The following PIK3C2G variants were observed in gnomAD, a reference collection of about 807,000 sequenced individuals.
PIK3C2G encodes the protein phosphatidylinositol 3-kinase C2 domain-containing subunit gamma.
PIK3C2G carries 168 observed loss-of-function variants against 181.1 expected under a neutral mutation model. That is an observed-to-expected ratio of 0.93 (90% CI 0.82 to 1.05). PIK3C2G has a LOEUF of 1.05. Among genes scored for constraint, PIK3C2G ranks in the 50% least tolerant of loss-of-function variants. The pLI is 0.00. For synonymous variants in PIK3C2G, 573 were observed against 592.2 expected (o/e 0.97, Z 0.47); for missense variants, 1,869 against 1,732.8 (o/e 1.08, Z -1.40).
At chr12:18,527,395 A>T (rs1184207849) in intron 24 of PIK3C2G, among the ~76,000 whole-genome samples, 1 of 152,200 alleles carries the variant, frequency 6.6e-6, no homozygotes, top group East Asian at 1.9e-4. Context: ...TAATATGCAC[A>T]TTCAATGCCT....
intron 24 of PIK3C2G, among the ~76,000 whole-genome samples, chr12:18,523,834 G>A (rs138512341): frequency 6.3e-4 from 96 of 152,290 alleles, no homozygotes; most frequent in African/African-American, 2.1e-3. Context: ...GAGCAAGTTC[G>A]GATACTCTCT....
downstream of PIK3C2G, among the ~76,000 whole-genome samples, chr12:18,650,329 C>CTATATA (rs1167084886): frequency 4.6e-4 from 38 of 82,426 alleles, no homozygotes; most frequent in African/African-American, 7.2e-4. Context: ...CTCTCTCTCT[C>CTATATA]TCTATATATA....
intron 29 of PIK3C2G, among the ~76,000 whole-genome samples, chr12:18,582,085 A>G (rs1157378302): frequency 4.6e-5 from 7 of 152,172 alleles, no homozygotes; most frequent in African/African-American, 1.2e-4. Flanking sequence ...TGAAATGAAG[A>G]AAAACAGTTT....
chr12:18,526,902 G>A (rs1943267113), intron 24 of PIK3C2G, among the ~76,000 whole-genome samples: 1 of 151,996 alleles, frequency 6.6e-6, no homozygotes, highest in African/African-American at 2.4e-5. Context: ...GATTTCTTTT[G>A]AATAGCTCCC....
chr12:18,338,382 A>C (rs1483640509), intron 8 of PIK3C2G, 44 bp from the exon 9 acceptor site: 1 of 1,416,686 alleles, frequency 7.1e-7, no homozygotes, highest in East Asian at 2.3e-5. Flanking sequence ...ATGTCCCCTC[A>C]TTTATTTCAA....
chr12:18,507,284 C>T (rs1284413343), intron 24 of PIK3C2G, among the ~76,000 whole-genome samples: 1 of 152,126 alleles, frequency 6.6e-6, no homozygotes, highest in African/African-American at 2.4e-5. Flanking sequence ...CTGCCTCGGC[C>T]TCCCAAAGTG....
chr12:18,690,285 G>A, the PIK3C2G span, among the ~76,000 whole-genome samples: 25 of 152,088 alleles, frequency 1.6e-4, no homozygotes, highest in Admixed American at 1.6e-3. Context: ...GTGCAACGGT[G>A]CGACCTCGGC....
At chr12:18,449,527 C>T (rs536747710) in intron 18 of PIK3C2G, among the ~76,000 whole-genome samples, 65 of 152,202 alleles carry the variant, frequency 4.3e-4, no homozygotes, top group Non-Finnish European at 8.5e-4. Flanking sequence ...TGTTCAACTC[C>T]CACTTATGAG....
At chr12:18,295,363 G>C (rs1949892671) in intron 5 of PIK3C2G, among the ~76,000 whole-genome samples, 1 of 151,874 alleles carries the variant, frequency 6.6e-6, no homozygotes. Flanking sequence ...TGAATGTGTA[G>C]TTTTCCAAAT....
chr12:18,551,802 C>T (rs1213742777), intron 26 of PIK3C2G, among the ~76,000 whole-genome samples: 3 of 152,148 alleles, frequency 2.0e-5, no homozygotes, highest in African/African-American at 4.8e-5. Context: ...TGGAAACACA[C>T]AGGCCTTCTA....
intron 5 of PIK3C2G, among the ~76,000 whole-genome samples, chr12:18,307,044 G>A (rs544282131): frequency 6.0e-5 from 9 of 149,198 alleles, no homozygotes; most frequent in Middle Eastern, 3.4e-3. Flanking sequence ...AGGGCAATGA[G>A]AATCAATATT....
At chr12:18,311,397 T>C (rs565620567) in intron 5 of PIK3C2G, among the ~76,000 whole-genome samples, 1 of 152,166 alleles carries the variant, frequency 6.6e-6, no homozygotes, top group South Asian at 2.1e-4. Flanking sequence ...ATGAAAGGTG[T>C]ATATATATAC....
At chr12:18,469,834 A>T (rs902057709) in intron 18 of PIK3C2G, among the ~76,000 whole-genome samples, 6 of 150,526 alleles carry the variant, frequency 4.0e-5, no homozygotes, top group African/African-American at 1.5e-4. Context: ...AGATATCAGC[A>T]CCCTCTTATT....
At chr12:18,278,035 T>C (rs1287989410) in intron 1 of PIK3C2G, among the ~76,000 whole-genome samples, 1 of 152,206 alleles carries the variant, frequency 6.6e-6, no homozygotes, top group East Asian at 1.9e-4. Context: ...TGTGGTCTTC[T>C]ATACTTATTC....
upstream of PIK3C2G, among the ~76,000 whole-genome samples, chr12:18,256,960 A>G (rs4369463): frequency 0.85 from 128,704 of 151,950 alleles, 54,578 homozygotes; most frequent in East Asian, 0.93. Flanking sequence ...GTGGTAGGTT[A>G]CTTGTTGTTG....
intron 1 of PIK3C2G, among the ~76,000 whole-genome samples, chr12:18,265,553 A>C (rs1335680384): frequency 1.3e-5 from 2 of 152,084 alleles, no homozygotes; most frequent in African/African-American, 4.8e-5. Flanking sequence ...ATTTCAATAA[A>C]ATGGTCTTGA....
At position 18,648,278 on chromosome 12, in the gene PIK3C2G, C is replaced by A. The variant is rs1050061102; in HGVS notation, c.*250C>A. ...ATTTGATGTGTAAAATAATAAAAGACCTTTATTAAATCATTTTAATATATT... is the reference window on the plus strand; with the variant it reads ...ATTTGATGTGTAAAATAATAAAAGAACTTTATTAAATCATTTTAATATATT... On this transcript the variant is annotated 3_prime_UTR_variant, in exon 33 of 33. Transcript: ENST00000538779. 1 of 258,008 alleles carries A rather than the reference C, an allele frequency of 3.9e-6. No homozygotes were observed. The allele number at this position is 258,008 out of a possible 1,614,324, so 16.0% of individuals were successfully genotyped here. A position where few individuals can be genotyped will look rare whatever the true frequency, so the allele number is the denominator to read the frequency against.
chr12:18,699,684 G>A, the PIK3C2G span: 1 of 1,202,206 alleles, frequency 8.3e-7, no homozygotes, highest in African/African-American at 1.5e-5. Flanking sequence ...TAAATGTGTT[G>A]AAATTTTATG....
chr12:18,704,971 A>G, the PIK3C2G span, among the ~76,000 whole-genome samples: 49 of 152,268 alleles, frequency 3.2e-4, no homozygotes, highest in Middle Eastern at 3.4e-3. Context: ...ATATATATAT[A>G]AATTTTAATC....
Sources: allele counts gnomAD v4.1 joint callset (sites outside exome capture counted in the v4.1 genomes callset), GRCh38; gene constraint gnomAD v4.1.1; transcripts MANE v1.5; gene names NCBI Gene and HGNC (gene_info 2026-07-23, HGNC 2026-07-21).